COP1: variants seen among roughly 807,000 people sequenced by gnomAD.
The protein encoded by COP1 is COP1 E3 ubiquitin ligase, also known as E3 ubiquitin-protein ligase COP1.
In COP1, 24 loss-of-function variants were observed where a neutral mutation model predicts 101.3. That is an observed-to-expected ratio of 0.24 (90% CI 0.17 to 0.33). The LOEUF (loss-of-function observed/expected upper bound fraction) is 0.33, where lower values mean the gene tolerates loss of function less well. Ranked by LOEUF, COP1 falls within the 10% of genes least tolerant of loss-of-function variation. COP1 has a pLI of 1.00. For missense variants in COP1, 663 were observed against 906.2 expected (o/e 0.73, Z 3.45); for synonymous variants, 347 against 341.9 (o/e 1.01, Z -0.17).
chr1:176,162,835 T>C, intron 5 of COP1, 34 bp downstream of exon 5: 1 of 1,556,700 alleles, frequency 6.4e-7, no homozygotes, highest in Non-Finnish European at 8.7e-7. Context: ...AAGTTCATCA[T>C]TTAAAATTTT....
At chr1:176,069,623 C>A (rs534177191) in intron 11 of COP1, among the ~76,000 whole-genome samples, 1 of 152,272 alleles carries the variant, frequency 6.6e-6, no homozygotes, top group South Asian at 2.1e-4. Flanking sequence ...CCCTGACCAC[C>A]ATCCCCAGAG....
At chr1:175,959,963 CA>C (rs1651134212) in intron 18 of COP1, among the ~76,000 whole-genome samples, 1 of 152,130 alleles carries the variant, frequency 6.6e-6, no homozygotes, top group Non-Finnish European at 1.5e-5. Flanking sequence ...TCAGGTTTAA[CA>C]AACAACCCTA....
At chr1:176,163,768 C>T in intron 4 of COP1, 47 bp downstream of exon 4, 1 of 1,222,870 alleles carries the variant, frequency 8.2e-7, no homozygotes, top group Non-Finnish European at 1.2e-6. Context: ...CCAATAAAAA[C>T]AACAAAATGA....
rs1203707183 is a variant in COP1 at position 176,065,704 on chromosome 1, ATTT to A, written c.1277+15445_1277+15447del. Reference sequence around the variant, plus strand: ...TTCCTGTACCAGGAAGGGGATAATGATTTTTTTTTTTTTTTTTTTTTCAGACGG... The same window carrying A: ...TTCCTGTACCAGGAAGGGGATAATGATTTTTTTTTTTTTTTTTTCAGACGG... On this transcript the variant is annotated intron_variant, in intron 11 of 19. Coordinates refer to ENST00000367669, the MANE Select transcript of COP1 (RefSeq NM_022457.7). Among the ~76,000 whole-genome samples the A allele has an allele frequency of 2.8e-3, 323 of 114,448 alleles. 1 individual carries two copies. Among genetic ancestry groups the A allele is most frequent in the African/African-American group, 9.9e-3 (308 of 31,096 alleles). 75.1% of individuals were successfully genotyped at this position (114,448 alleles called of 152,430 possible).
intron 9 of COP1, among the ~76,000 whole-genome samples, chr1:176,088,996 C>A (rs75649913): frequency 3.5e-4 from 49 of 139,122 alleles, no homozygotes; most frequent in South Asian, 4.6e-4. Context: ...ACTCAGTCTC[C>A]AAAAAAAAAA....
At chr1:176,019,505 T>TAATAATAATAACAAC (rs1374161037) in intron 15 of COP1, among the ~76,000 whole-genome samples, 1 of 133,186 alleles carries the variant, frequency 7.5e-6, no homozygotes, top group African/African-American at 2.7e-5. Flanking sequence ...ATAATAATAA[T>TAATAATAATAACAAC]AACCATCATC....
chr1:176,181,277 A>G (rs1272352466), intron 2 of COP1, among the ~76,000 whole-genome samples: 1 of 152,166 alleles, frequency 6.6e-6, no homozygotes. Flanking sequence ...TGAGCTTTGA[A>G]GTGGTATACT....
chr1:176,029,049 C>T (rs2149082281), intron 14 of COP1, among the ~76,000 whole-genome samples: 1 of 152,028 alleles, frequency 6.6e-6, no homozygotes, highest in African/African-American at 2.4e-5. Flanking sequence ...CCACTGGGCC[C>T]AGCCAATTAT....
At chr1:176,077,635 C>A (rs557907663) in intron 11 of COP1, among the ~76,000 whole-genome samples, 3 of 152,218 alleles carry the variant, frequency 2.0e-5, no homozygotes, top group Admixed American at 6.5e-5. Context: ...CAACATTATA[C>A]TGAAGGTCCT....
intron 9 of COP1, among the ~76,000 whole-genome samples, chr1:176,097,868 CAAAA>C (rs35822200): frequency 1.3e-5 from 1 of 79,352 alleles, no homozygotes; most frequent in Non-Finnish European, 2.3e-5. Flanking sequence ...AACTCCATCT[CAAAA>C]AAAAAAAAAA....
At chr1:176,176,770 T>C (rs1344914791) in intron 2 of COP1, among the ~76,000 whole-genome samples, 1 of 151,960 alleles carries the variant, frequency 6.6e-6, no homozygotes, top group Admixed American at 6.6e-5. Context: ...ATTATGCCAG[T>C]GCACTCCAGC....
intron 11 of COP1, among the ~76,000 whole-genome samples, chr1:176,047,971 G>A (rs1671800265): frequency 6.6e-6 from 1 of 151,960 alleles, no homozygotes; most frequent in South Asian, 2.1e-4. Context: ...GACTTGGGAG[G>A]CTGAGGTGGG....
intron 8 of COP1, among the ~76,000 whole-genome samples, chr1:176,121,073 G>A (rs952924624): frequency 6.6e-6 from 1 of 151,798 alleles, no homozygotes; most frequent in Non-Finnish European, 1.5e-5. Flanking sequence ...ACGTAAAAGA[G>A]AGAAAAATAA....
At chr1:176,163,023 C>T in intron 4 of COP1, 35 bp from the exon 5 acceptor site, 1 of 1,585,444 alleles carries the variant, frequency 6.3e-7, no homozygotes, top group Non-Finnish European at 8.6e-7. Context: ...CAACAACTTC[C>T]TATGAAGACT....
At chr1:176,096,995 T>C (rs535078026) in intron 9 of COP1, among the ~76,000 whole-genome samples, 2 of 152,306 alleles carry the variant, frequency 1.3e-5, no homozygotes, top group Admixed American at 1.3e-4. Context: ...CAACCTTTGC[T>C]ATTTGTTGAT....
rs560870597 is a variant in COP1 at position 176,087,285 on chromosome 1, G to T, written c.1027-1395C>A. ...GATCTAATTAAACTAAAGAGCTTCT[G>T]CAAAGCAAAAGAAACTATCATCAGA... is the stretch of plus-strand genomic sequence containing the variant. On this transcript the variant is annotated intron_variant, in intron 9 of 19. Transcript: ENST00000367669. Among the ~76,000 whole-genome samples the T allele has an allele frequency of 2.0e-5, 3 of 152,298 alleles. No homozygotes were observed. In the East Asian group the frequency reaches 5.8e-4, roughly 29 times the overall value.
chr1:176,005,142 A>T (rs1324300499), intron 15 of COP1, among the ~76,000 whole-genome samples: 1 of 152,034 alleles, frequency 6.6e-6, no homozygotes, highest in Non-Finnish European at 1.5e-5. Context: ...ATTTGTGTAG[A>T]GGTGTTTGTA....
intron 9 of COP1, among the ~76,000 whole-genome samples, chr1:176,087,633 A>AG (rs1266992831): frequency 1.3e-5 from 2 of 152,246 alleles, no homozygotes; most frequent in Non-Finnish European, 2.9e-5. Context: ...GTGAAGAAAC[A>AG]GGAACGCTTT....
chr1:176,171,666 T>C (rs759745670), intron 3 of COP1, among the ~76,000 whole-genome samples: 1 of 150,774 alleles, frequency 6.6e-6, no homozygotes, highest in Non-Finnish European at 1.5e-5. Flanking sequence ...AATGCAGGGT[T>C]GCCACAAACT....
Sources: allele counts gnomAD v4.1 joint callset (sites outside exome capture counted in the v4.1 genomes callset), GRCh38; gene constraint gnomAD v4.1.1; transcripts MANE v1.5; gene names NCBI Gene and HGNC (gene_info 2026-07-23, HGNC 2026-07-21).